SAP30BP: variants seen among roughly 807,000 people sequenced by gnomAD.
SAP30BP encodes SAP30-binding protein.
A neutral mutation model predicts 46.3 loss-of-function variants in SAP30BP; 31 were observed. That is an observed-to-expected ratio of 0.67 (90% CI 0.50 to 0.90). The LOEUF (loss-of-function observed/expected upper bound fraction) is 0.90, where lower values mean the gene tolerates loss of function less well. Ranked by LOEUF, SAP30BP falls within the 40% of genes least tolerant of loss-of-function variation. The probability of loss-of-function intolerance (pLI) is 0.00; values close to 1 mark genes in which losing one functional copy is unlikely to be tolerated. For missense variants in SAP30BP, 312 were observed against 391.0 expected, an observed-to-expected ratio of 0.80 and a Z score of 1.70; for synonymous variants, 169 against 144.2, an observed-to-expected ratio of 1.17 and a Z score of -1.23.
intron 3 of SAP30BP, chr17:75,691,730 C>T (rs1240342630): frequency 1.4e-5 from 4 of 288,122 alleles, no homozygotes; most frequent in African/African-American, 8.8e-5. Flanking sequence ...ATGGTCAGTC[C>T]CTGTATGATC....
chr17:75,705,720 G>C (rs1408432677), intron 9 of SAP30BP: 39 of 1,194,468 alleles, frequency 3.3e-5, no homozygotes, highest in Non-Finnish European at 4.1e-5. Context: ...TGGCCAAACG[G>C]TTCTGGGCAT....
intron 3 of SAP30BP, among the ~76,000 whole-genome samples, chr17:75,691,173 G>A (rs778072678): frequency 6.6e-6 from 1 of 152,058 alleles, no homozygotes; most frequent in African/African-American, 2.4e-5. Flanking sequence ...GCGAGTTGAG[G>A]GTGTACTCTG....
intron 5 of SAP30BP, 36 bp downstream of exon 5, chr17:75,699,907 T>G (rs114481502): frequency 1.4e-6 from 2 of 1,448,986 alleles, no homozygotes; most frequent in Non-Finnish European, 1.9e-6. Flanking sequence ...GTCGGATAGA[T>G]TAGATAGCCT....
At chr17:75,689,183 TGC>T in intron 3 of SAP30BP, among the ~76,000 whole-genome samples, 1 of 150,734 alleles carries the variant, frequency 6.6e-6, no homozygotes. Flanking sequence ...GAGACAATCT[TGC>T]TCTTTCAGGC....
rs542287736 is a variant in SAP30BP, at chr17:75,685,385, C to T, written c.265-8055C>T. ...CAATAGGATTTTGCTCATTTCTATT[C>T]CTAACTTTGGAGTTAGGTAAATATT... On this transcript the variant is annotated intron_variant, in intron 3 of 10. Coordinates refer to ENST00000584667, the MANE Select transcript of SAP30BP (RefSeq NM_013260.8). Among the ~76,000 whole-genome samples, 321 of 152,290 alleles carry T rather than the reference C, an allele frequency of 2.1e-3. 3 individuals carry two copies. Among genetic ancestry groups the T allele is most frequent in the Middle Eastern group, 6.8e-3 (2 of 294 alleles).
intron 3 of SAP30BP, 104 bp from the exon 4 acceptor site, chr17:75,693,336 C>T (rs2060267295): frequency 3.1e-6 from 3 of 960,918 alleles, no homozygotes; most frequent in East Asian, 2.5e-5. Context: ...CCTGGCAGTG[C>T]TTTTACTTTT....
intron 3 of SAP30BP, among the ~76,000 whole-genome samples, chr17:75,681,929 GTTGT>G (rs1319816077): frequency 6.6e-6 from 1 of 152,116 alleles, no homozygotes; most frequent in African/African-American, 2.4e-5. Flanking sequence ...TTGCAAACAG[GTTGT>G]TTGTGTGCCT....
At chr17:75,673,736 G>C (rs1174715377) in intron 3 of SAP30BP, among the ~76,000 whole-genome samples, 1 of 152,164 alleles carries the variant, frequency 6.6e-6, no homozygotes, top group East Asian at 1.9e-4. Flanking sequence ...CTGCTGTCCA[G>C]TAGCAGTCAC....
chr17:75,668,553 G>A lies in SAP30BP; in HGVS notation c.144G>A (p.Glu48=). ...GATTGGTATCTGATGCCTATGGGGA[G>A]GATGACTTTTCTCGTCTAGGGGGTG... ...KGGLVSDAYG[E]DDFSRLGGDE... Residue 48 remains glutamate, a synonymous_variant, in exon 2 of 11, where the codon GAG becomes GAA. Coordinates refer to ENST00000584667, the MANE Select transcript of SAP30BP (RefSeq NM_013260.8). 1 of 1,603,864 alleles carries A rather than the reference G, an allele frequency of 6.2e-7. No homozygotes were observed. The highest frequency in any genetic ancestry group is 8.5e-7 in the Non-Finnish European group (1 of 1,175,904).
chr17:75,702,588 C>A lies in SAP30BP; in HGVS notation c.488+17C>A. On this transcript the variant is annotated intron_variant, in intron 6 of 10. Coordinates refer to ENST00000584667, the MANE Select transcript of SAP30BP (RefSeq NM_013260.8). The stretch of plus-strand genomic sequence containing the variant: ...GAACCCTAGGTAAGTTTCCCTTGAG[C>A]CTGCAGAGTTTATTGAGTTATTAAT... 5 of 1,253,360 alleles carry A rather than the reference C, an allele frequency of 4.0e-6. No individual in the cohort carries two copies. Among genetic ancestry groups the A allele is most frequent in the South Asian group, 1.2e-5 (1 of 81,962 alleles). 77.6% of individuals were successfully genotyped at this position (1,253,360 alleles called of 1,614,324 possible). A position where few individuals can be genotyped will look rare whatever the true frequency, so the allele number is the denominator to read the frequency against.
intron 4 of SAP30BP, among the ~76,000 whole-genome samples, chr17:75,696,789 G>A (rs1181263873): frequency 3.6e-5 from 4 of 112,074 alleles, no homozygotes; most frequent in South Asian, 3.0e-4. Flanking sequence ...TTTTTTTGGA[G>A]ACGGGGTCTG....
intron 1 of SAP30BP, chr17:75,668,239 A>G (rs2059836314): frequency 5.5e-6 from 2 of 362,850 alleles, no homozygotes; most frequent in South Asian, 5.8e-5. Flanking sequence ...ATGGTTTCCT[A>G]TAAACACTTT....
intron 3 of SAP30BP, chr17:75,692,547 C>T: frequency 1.0e-6 from 1 of 980,218 alleles, no homozygotes; most frequent in Non-Finnish European, 1.2e-6. Context: ...TGCCATTTTA[C>T]ACTTGAGACA....
intron 3 of SAP30BP, among the ~76,000 whole-genome samples, chr17:75,673,095 C>T (rs374720616): frequency 6.6e-6 from 1 of 152,048 alleles, no homozygotes; most frequent in Admixed American, 6.6e-5. Context: ...TGAGCTGTTC[C>T]ATATTTGAGC....
intron 6 of SAP30BP, 36 bp downstream of exon 6, chr17:75,702,607 T>C: frequency 9.4e-7 from 1 of 1,066,470 alleles, no homozygotes; most frequent in Non-Finnish European, 1.4e-6. Flanking sequence ...TTTATTGAGT[T>C]ATTAATGTTG....
At chr17:75,696,548 A>G (rs1292085614) in intron 4 of SAP30BP, among the ~76,000 whole-genome samples, 1 of 140,476 alleles carries the variant, frequency 7.1e-6, no homozygotes, top group Non-Finnish European at 1.6e-5. Flanking sequence ...CATCTCAATT[A>G]AAAAAAAAAA....
intron 3 of SAP30BP, among the ~76,000 whole-genome samples, chr17:75,677,351 C>G (rs1329315780): frequency 1.3e-5 from 2 of 151,924 alleles, no homozygotes; most frequent in East Asian, 3.9e-4. Flanking sequence ...GATCTGCCCG[C>G]CTCAGCCTCC....
intron 2 of SAP30BP, among the ~76,000 whole-genome samples, chr17:75,670,334 A>T (rs2059890145): frequency 1.3e-5 from 2 of 152,102 alleles, no homozygotes; most frequent in African/African-American, 4.8e-5. Flanking sequence ...AAAAAAAAAA[A>T]ATTATTTCCA....
chr17:75,690,639 A>G (rs1357263166), intron 3 of SAP30BP: 1 of 455,866 alleles, frequency 2.2e-6, no homozygotes, highest in Admixed American at 2.4e-5. Flanking sequence ...TTTAGGATCC[A>G]GAGAACTTAG....
Sources: gnomAD v4.1 joint callset for allele counts (sites outside exome capture counted in the v4.1 genomes callset) on GRCh38, gnomAD v4.1.1 for gene constraint, MANE v1.5 for transcripts, NCBI Gene and HGNC (gene_info 2026-07-23, HGNC 2026-07-21) for gene names.